The following EXO1 variants were observed in gnomAD, a reference collection of about 807,000 sequenced individuals.
The protein encoded by EXO1 is exonuclease 1.
A neutral mutation model predicts 84.5 loss-of-function variants in EXO1; 69 were observed. That is an observed-to-expected ratio of 0.82 (90% CI 0.67 to 1.00). The LOEUF (loss-of-function observed/expected upper bound fraction) is 1.00, where lower values mean the gene tolerates loss of function less well. Among genes scored for constraint, EXO1 ranks in the 50% least tolerant of loss-of-function variants. The pLI, the probability that EXO1 is intolerant of heterozygous loss-of-function variation, is 0.00. For missense variants in EXO1, 1,045 were observed against 1,000.7 expected, an observed-to-expected ratio of 1.04 and a Z score of -0.60; for synonymous variants, 373 against 366.1, an observed-to-expected ratio of 1.02 and a Z score of -0.21.
intron 10 of EXO1, among the ~76,000 whole-genome samples, chr1:241,865,656 GAA>G (rs1463915189): frequency 8.7e-5 from 4 of 46,186 alleles, no homozygotes; most frequent in African/African-American, 2.2e-4. Context: ...ATTCCTGTCA[GAA>G]TTTTGTCCTT....
In EXO1 at chr1:241,853,489, A is replaced by G. The variant is rs746822778; in HGVS notation, c.405+8A>G. 88 of 1,613,914 alleles carry G rather than the reference A, an allele frequency of 5.5e-5. 2 individuals are homozygous for G. In the South Asian group the frequency reaches 9.4e-4, roughly 17 times the overall value. ...GCCCACAAAGTAATTAAAGTAAGAC[A>G]AAGGGGCAGATGGGCAAGTTCACCA... is the stretch of plus-strand genomic sequence containing the variant. On this transcript the variant is annotated splice_region_variant and intron_variant, in intron 6 of 15. Transcript: ENST00000366548.
chr1:241,865,213 CTCTT>C (rs1185603828), intron 10 of EXO1, among the ~76,000 whole-genome samples: 2 of 147,140 alleles, frequency 1.4e-5, no homozygotes, highest in Non-Finnish European at 3.0e-5. Flanking sequence ...ACTTGAATAT[CTCTT>C]TTTTTTTTTT....
intron 12 of EXO1, among the ~76,000 whole-genome samples, chr1:241,874,520 C>T (rs368371381): frequency 2.1e-3 from 317 of 152,284 alleles, no homozygotes; most frequent in African/African-American, 7.4e-3. Context: ...AAGAGGGCCA[C>T]AGATGGGGCA....
Position 241,881,997 on chromosome 1 carries a change from GAC to G in EXO1, c.2196_2197del (p.Pro733SerfsTer10). On this transcript the variant is annotated frameshift_variant, in exon 14 of 16. Coordinates refer to ENST00000366548, the MANE Select transcript of EXO1 (RefSeq NM_130398.4). LOFTEE classifies it high-confidence loss of function. ...ACGTTTATCTCATTTCTCAAAAAAA[GAC>G]ACACCTCTAAGGAACAAGGTAAAAC... ...KLRLSHFSKK[D>X]TPLRNKVPGL... 1 of 1,542,650 alleles carries G rather than the reference GAC, an allele frequency of 6.5e-7. No individual in the cohort carries two copies. Among genetic ancestry groups the G allele is most frequent in the Non-Finnish European group, 9.0e-7 (1 of 1,116,658 alleles).
In EXO1 at chr1:241,872,248, GTGCA is replaced by G; in HGVS notation, c.1485_1488del (p.Ala496LeufsTer24). On this transcript the variant is annotated frameshift_variant, in exon 12 of 16. Coordinates refer to ENST00000366548, the MANE Select transcript of EXO1 (RefSeq NM_130398.4). LOFTEE classifies it high-confidence loss of function. Reference sequence around the variant, plus strand: ...TTACAAAGGAAAAATGAAGAAAGTGGTGCAGTTGTGGTTCCAGGGACCAGAAGCA... The same window carrying G: ...TTACAAAGGAAAAATGAAGAAAGTGGGTTGTGGTTCCAGGGACCAGAAGCA... The G allele has an allele frequency of 6.2e-7, 1 of 1,614,066 alleles. No homozygotes were observed. Among genetic ancestry groups the G allele is most frequent in the Non-Finnish European group, 8.5e-7 (1 of 1,179,974 alleles).
intron 14 of EXO1, among the ~76,000 whole-genome samples, chr1:241,883,166 T>C (rs926404059): frequency 6.6e-6 from 1 of 152,240 alleles, no homozygotes; most frequent in Non-Finnish European, 1.5e-5. Flanking sequence ...GCATAAAAAC[T>C]TCTTACTTTT....
intron 10 of EXO1, among the ~76,000 whole-genome samples, chr1:241,862,464 T>C (rs4149932): frequency 2.0e-5 from 3 of 152,224 alleles, no homozygotes; most frequent in Non-Finnish European, 4.4e-5. Context: ...GAATTCTCAC[T>C]GTCTCTTGCG....
chr1:241,859,819 A>AT (rs1212908652), intron 8 of EXO1, among the ~76,000 whole-genome samples: 1 of 152,168 alleles, frequency 6.6e-6, no homozygotes, highest in Non-Finnish European at 1.5e-5. Flanking sequence ...AAAGAAGCTC[A>AT]TTTTCCCCCT....
chr1:241,855,899 C>T (rs1660996899), intron 6 of EXO1, among the ~76,000 whole-genome samples: 1 of 152,246 alleles, frequency 6.6e-6, no homozygotes. Flanking sequence ...CCCACGCCCA[C>T]CCGGAACTCC....
intron 10 of EXO1, among the ~76,000 whole-genome samples, chr1:241,866,496 A>T (rs1291495687): frequency 6.8e-6 from 1 of 148,136 alleles, no homozygotes; most frequent in South Asian, 2.1e-4. Context: ...TATTACGAAG[A>T]TTTTTATTTA....
In EXO1 at chr1:241,889,592, T is replaced by A. The variant is rs747145417; in HGVS notation, c.2533T>A (p.Phe845Ile). 2 of 1,614,008 alleles carry A rather than the reference T, an allele frequency of 1.2e-6. No individual in the cohort carries two copies. Among genetic ancestry groups the A allele is most frequent in the Non-Finnish European group, 8.5e-7 (1 of 1,179,936 alleles). Residue 845 changes from phenylalanine (F) to isoleucine (I), a missense_variant, in exon 16 of 16, where the codon TTC becomes ATC. Phe to Ile is a conservative substitution (Grantham distance 21). Coordinates refer to ENST00000366548, the MANE Select transcript of EXO1 (RefSeq NM_130398.4). The stretch of plus-strand genomic sequence containing the variant: ...ATGTGGCCGTGTTCAAAGAGCAATA[T>A]TCCAGTAAATGCAGACTGCTGCAAA... ...PECGRVQRAI[F>I]Q
At chr1:241,875,818 C>T (rs989678786) in intron 12 of EXO1, among the ~76,000 whole-genome samples, 3 of 152,208 alleles carry the variant, frequency 2.0e-5, no homozygotes, top group South Asian at 4.1e-4. Flanking sequence ...GCGGAGGTTG[C>T]AGTGAGCCAA....
chr1:241,879,142 G>A lies in EXO1; in HGVS notation c.1908G>A (p.Lys636=), dbSNP rs1391885022. The A allele has an allele frequency of 1.2e-6, 2 of 1,609,554 alleles. No individual in the cohort carries two copies. The highest frequency in any genetic ancestry group is 1.3e-5 in the African/African-American group (1 of 74,974). Residue 636 remains lysine, a synonymous_variant, in exon 13 of 16, where the codon AAG becomes AAA. Coordinates refer to ENST00000366548, the MANE Select transcript of EXO1 (RefSeq NM_130398.4). The part of the protein sequence containing the change: ...PSTALQQFRR[K]SDSPTSLPEN... ...CAGCATTGCAGCAGTTCCGAAGAAA[G>A]AGCGATTCCCCCACCTCTTTGCCTG...
intron 15 of EXO1, among the ~76,000 whole-genome samples, chr1:241,888,209 C>T (rs1035065833): frequency 2.0e-5 from 3 of 152,028 alleles, no homozygotes; most frequent in South Asian, 4.2e-4. Context: ...CACTGCACTC[C>T]AGCCAGAGTG....
chr1:241,870,954 A>G (rs955486362), intron 11 of EXO1, among the ~76,000 whole-genome samples: 16 of 152,232 alleles, frequency 1.1e-4, no homozygotes, highest in African/African-American at 3.9e-4. Flanking sequence ...CCCCATAACT[A>G]ATATACAGTA....
chr1:241,869,937 C>T (rs1428997376), intron 11 of EXO1, among the ~76,000 whole-genome samples: 3 of 152,018 alleles, frequency 2.0e-5, no homozygotes, highest in Non-Finnish European at 4.4e-5. Context: ...CTCAGCCTCC[C>T]GAGTAGCTGG....
intron 7 of EXO1, 21 bp downstream of exon 7, chr1:241,857,503 T>C: frequency 6.2e-7 from 1 of 1,603,592 alleles, no homozygotes; most frequent in Non-Finnish European, 8.5e-7. Context: ...CTGACTACTA[T>C]ATATTACTTT....
At chr1:241,875,155 C>T (rs1204980422) in intron 12 of EXO1, among the ~76,000 whole-genome samples, 1 of 152,178 alleles carries the variant, frequency 6.6e-6, no homozygotes, top group Non-Finnish European at 1.5e-5. Flanking sequence ...AGGCACCCGC[C>T]ACCATGCCCA....
intron 10 of EXO1, among the ~76,000 whole-genome samples, chr1:241,863,773 G>T (rs1776138): frequency 6.6e-6 from 1 of 151,954 alleles, no homozygotes; most frequent in Non-Finnish European, 1.5e-5. Flanking sequence ...GCCATGTGTG[G>T]CTATTTAAAT....
Sources: gnomAD v4.1 joint callset for allele counts (sites outside exome capture counted in the v4.1 genomes callset) on GRCh38, gnomAD v4.1.1 for gene constraint, MANE v1.5 for transcripts, NCBI Gene and HGNC (gene_info 2026-07-23, HGNC 2026-07-21) for gene names.